RANBP2: variants seen among roughly 807,000 people sequenced by gnomAD.
RANBP2 encodes the protein E3 SUMO-protein ligase RanBP2.
RANBP2 carries 57 observed loss-of-function variants against 303.6 expected under a neutral mutation model. That is an observed-to-expected ratio of 0.19 (90% CI 0.15 to 0.23). The LOEUF (loss-of-function observed/expected upper bound fraction) is 0.23. Among genes scored for constraint, RANBP2 ranks in the 10% least tolerant of loss-of-function variants. The pLI is 1.00. For missense variants in RANBP2, 3,138 were observed against 3,780.8 expected (o/e 0.83, Z 4.46); for synonymous variants, 1,167 against 1,301.5 (o/e 0.90, Z 2.23).
At chr2:109,199,330 A>G in the RANBP2 span, among the ~76,000 whole-genome samples, 1 of 150,584 alleles carries the variant, frequency 6.6e-6, no homozygotes, top group East Asian at 1.9e-4. Flanking sequence ...TCAAAAAGTA[A>G]AATGGAATGG....
At chr2:108,906,316 A>G in the RANBP2 span, 10 of 1,612,992 alleles carry the variant, frequency 6.2e-6, no homozygotes, top group African/African-American at 9.4e-5. Context: ...ACCTTCCACG[A>G]CTCCACACAC....
chr2:109,218,999 T>G, the RANBP2 span, among the ~76,000 whole-genome samples: 4 of 152,246 alleles, frequency 2.6e-5, no homozygotes, highest in East Asian at 7.7e-4. Context: ...ATGCCTGTTA[T>G]GGGCACTGAC....
At chr2:109,042,534 T>G in the RANBP2 span, among the ~76,000 whole-genome samples, 2 of 152,188 alleles carry the variant, frequency 1.3e-5, no homozygotes, top group Non-Finnish European at 2.9e-5. Context: ...AAAACACCAT[T>G]AGTCTATCAT....
At chr2:108,786,938 G>A (rs776748678), downstream of RANBP2, 5 of 1,478,098 alleles carry the variant, frequency 3.4e-6, no homozygotes, top group Non-Finnish European at 4.5e-6. Context: ...CCTGAGGTCC[G>A]CGGGTGGGCT....
chr2:109,656,899 G>C, the RANBP2 span, among the ~76,000 whole-genome samples: 1 of 152,112 alleles, frequency 6.6e-6, no homozygotes, highest in Non-Finnish European at 1.5e-5. Context: ...AAATAATTTA[G>C]AAAAAGTAGG....
the RANBP2 span, among the ~76,000 whole-genome samples, chr2:109,078,268 G>GTATA: frequency 0.017 from 773 of 46,224 alleles, 60 homozygotes; most frequent in Middle Eastern, 0.061. Context: ...TATATAGCGC[G>GTATA]TATATATATA....
the RANBP2 span, among the ~76,000 whole-genome samples, chr2:109,306,523 C>G: frequency 6.6e-6 from 1 of 152,214 alleles, no homozygotes; most frequent in African/African-American, 2.4e-5. Context: ...TGTACATCTC[C>G]GACCTGCCCT....
the RANBP2 span, among the ~76,000 whole-genome samples, chr2:109,753,255 TG>T: frequency 6.0e-5 from 1 of 16,548 alleles, no homozygotes; most frequent in Non-Finnish European, 1.0e-4. Flanking sequence ...GCAGTGGGGT[TG>T]CTGGATCATT....
the RANBP2 span, among the ~76,000 whole-genome samples, chr2:109,530,716 T>A: frequency 6.6e-6 from 1 of 152,138 alleles, no homozygotes; most frequent in African/African-American, 2.4e-5. Context: ...CACTGAAAAT[T>A]GAATTATTTT....
chr2:109,429,845 C>T, the RANBP2 span, among the ~76,000 whole-genome samples: 1 of 152,190 alleles, frequency 6.6e-6, no homozygotes, highest in East Asian at 1.9e-4. Flanking sequence ...GCTAGGGGTT[C>T]CATGCTCCCA....
At chr2:109,437,679 A>C in the RANBP2 span, among the ~76,000 whole-genome samples, 1 of 151,048 alleles carries the variant, frequency 6.6e-6, no homozygotes, top group African/African-American at 2.4e-5. Context: ...GGCAGGAGGA[A>C]TGACAGCTGT....
the RANBP2 span, among the ~76,000 whole-genome samples, chr2:109,015,707 G>A: frequency 3.3e-5 from 5 of 152,016 alleles, no homozygotes; most frequent in African/African-American, 4.8e-5. Context: ...GCAGTGAGCC[G>A]AGATCATGTC....
At chr2:109,618,246 A>ACTTGTATC in the RANBP2 span, 3 of 166,634 alleles carry the variant, frequency 1.8e-5, no homozygotes. Flanking sequence ...CTAGTGCAGA[A>ACTTGTATC]TAAGCTATAA....
At chr2:109,566,442 G>A in the RANBP2 span, among the ~76,000 whole-genome samples, 60 of 152,032 alleles carry the variant, frequency 3.9e-4, 1 homozygote, top group East Asian at 4.1e-3. Context: ...ACACCTGGCC[G>A]AAAAAGAATT....
the RANBP2 span, among the ~76,000 whole-genome samples, chr2:108,817,009 T>TA: frequency 6.6e-6 from 1 of 152,166 alleles, no homozygotes; most frequent in African/African-American, 2.4e-5. Context: ...AGTCACTTCT[T>TA]AAAGGCCCCA....
chr2:108,871,370 TAAA>T, the RANBP2 span, among the ~76,000 whole-genome samples: 3,758 of 76,886 alleles, frequency 0.049, 210 homozygotes, highest in African/African-American at 0.15. Context: ...CCAACTCTAT[TAAA>T]AAAAAAAAAA....
chr2:109,496,590 T>C, the RANBP2 span, among the ~76,000 whole-genome samples: 1 of 152,234 alleles, frequency 6.6e-6, no homozygotes, highest in African/African-American at 2.4e-5. Flanking sequence ...TTTGACCTGC[T>C]TCTCCCCAGA....
chr2:109,451,747 T>C, the RANBP2 span, among the ~76,000 whole-genome samples: 1 of 152,264 alleles, frequency 6.6e-6, no homozygotes, highest in Non-Finnish European at 1.5e-5. Context: ...TCCCTCTTGA[T>C]GAAAGGCGAC....
chr2:109,072,691 C>G, the RANBP2 span, among the ~76,000 whole-genome samples: 1 of 152,130 alleles, frequency 6.6e-6, no homozygotes, highest in Non-Finnish European at 1.5e-5. Flanking sequence ...GCCACAGCTC[C>G]CCTTCCCAGC....
Sources: gnomAD v4.1 joint callset for allele counts (sites outside exome capture counted in the v4.1 genomes callset) on GRCh38, gnomAD v4.1.1 for gene constraint, MANE v1.5 for transcripts, NCBI Gene and HGNC (gene_info 2026-07-23, HGNC 2026-07-21) for gene names.